PPP1R14C: variants seen among roughly 807,000 people sequenced by gnomAD.
PPP1R14C encodes protein phosphatase 1 regulatory inhibitor subunit 14C, also known as protein phosphatase 1 regulatory subunit 14C.
A neutral mutation model predicts 20.4 loss-of-function variants in PPP1R14C; 16 were observed. That is an observed-to-expected ratio of 0.78 (90% confidence interval 0.53 to 1.19). The LOEUF is 1.19. Ranked by LOEUF, PPP1R14C falls within the 50% of genes most tolerant of loss-of-function variation. The pLI is 0.00. For missense variants in PPP1R14C, 211 were observed against 220.1 expected (o/e 0.96, Z 0.26); for synonymous variants, 91 against 91.0 (o/e 1.00, Z 0.00).
At chr6:150,218,375 C>T (rs1481978130) in intron 3 of PPP1R14C, among the ~76,000 whole-genome samples, 2 of 151,588 alleles carry the variant, frequency 1.3e-5, no homozygotes, top group African/African-American at 4.9e-5. Flanking sequence ...TGCACTCCAG[C>T]CTGGGCGACA....
chr6:150,198,284 T>C (rs911542719), intron 1 of PPP1R14C, among the ~76,000 whole-genome samples: 2 of 147,028 alleles, frequency 1.4e-5, no homozygotes, highest in African/African-American at 5.1e-5. Flanking sequence ...TGCCCGGCTT[T>C]GTGTGCCCCT....
In PPP1R14C at chr6:150,249,819, A is replaced by C; in HGVS notation, c.*999A>C. On this transcript the variant is annotated 3_prime_UTR_variant, in exon 4 of 4. Transcript: ENST00000361131. ...GCCTGGGTAGTATCAGACCAGTGGG[A>C]GTAAACCGAGTGTTAAGTGTCAAGG... The C allele has an allele frequency of 3.0e-6, 1 of 330,288 alleles. No individual in the cohort carries two copies. Among genetic ancestry groups the C allele is most frequent in the Non-Finnish European group, 5.5e-6 (1 of 183,330 alleles). The allele number at this position is 330,288 out of a possible 1,614,324, so 20.5% of individuals were successfully genotyped here.
At chr6:150,244,329 A>C (rs2114934722) in intron 3 of PPP1R14C, among the ~76,000 whole-genome samples, 1 of 152,228 alleles carries the variant, frequency 6.6e-6, no homozygotes, top group East Asian at 1.9e-4. Context: ...TTAGGTGAGC[A>C]CCTCTTTCTG....
chr6:150,227,199 C>T (rs957345581), intron 3 of PPP1R14C, among the ~76,000 whole-genome samples: 1 of 152,160 alleles, frequency 6.6e-6, no homozygotes, highest in African/African-American at 2.4e-5. Flanking sequence ...TACAGGAAAA[C>T]CATGTGATGA....
At chr6:150,244,897 T>C (rs1778474144) in intron 3 of PPP1R14C, among the ~76,000 whole-genome samples, 1 of 152,176 alleles carries the variant, frequency 6.6e-6, no homozygotes, top group South Asian at 2.1e-4. Context: ...TTTGGTTTTG[T>C]ATGTAAGTTG....
At position 150,192,573 on chromosome 6, in the gene PPP1R14C, T is replaced by G. The variant is rs1488215213; in HGVS notation, c.307-22171T>G. 2.0e-5 allele frequency among the ~76,000 whole-genome samples: 3 copies of G among 152,186 alleles called. No homozygotes were observed. In the East Asian group the frequency reaches 5.8e-4, roughly 29 times the overall value. ...GCCATGGACCAGTACCACTGTGCTTTAAAGGAAATTCAGACTGGCAAATTA... is the reference window on the plus strand; with the variant it reads ...GCCATGGACCAGTACCACTGTGCTTGAAAGGAAATTCAGACTGGCAAATTA... On this transcript the variant is annotated intron_variant, in intron 1 of 3. Coordinates refer to ENST00000361131, the MANE Select transcript of PPP1R14C (RefSeq NM_030949.3).
chr6:150,227,609 C>T (rs1335382240), intron 3 of PPP1R14C, among the ~76,000 whole-genome samples: 1 of 152,092 alleles, frequency 6.6e-6, no homozygotes, highest in Admixed American at 6.5e-5. Context: ...ATCTGGCTGT[C>T]ATGGGGTTTC....
intron 1 of PPP1R14C, among the ~76,000 whole-genome samples, chr6:150,146,320 G>C (rs948556457): frequency 1.3e-5 from 2 of 152,142 alleles, no homozygotes; most frequent in African/African-American, 4.8e-5. Flanking sequence ...TACCCATGAG[G>C]CCTGTCTGTA....
At position 150,249,120 on chromosome 6, in the gene PPP1R14C, C is replaced by T. The variant is rs1011606922; in HGVS notation, c.*300C>T. 2 of 410,916 alleles carry T rather than the reference C, an allele frequency of 4.9e-6. No homozygotes were observed. Among genetic ancestry groups the T allele is most frequent in the Non-Finnish European group, 8.6e-6 (2 of 233,494 alleles). The allele number at this position is 410,916 out of a possible 1,614,324, so 25.5% of individuals were successfully genotyped here. On this transcript the variant is annotated 3_prime_UTR_variant, in exon 4 of 4. Coordinates refer to ENST00000361131, the MANE Select transcript of PPP1R14C (RefSeq NM_030949.3). ...CTCAAGGAAGGGCCACGCCAGGCTG[C>T]GTTTCCTGCAAGGACTCAGATGTTC...
rs67908012 is a variant in PPP1R14C, at chr6:150,156,024, C to CAA, written c.306+12553_306+12554dup. 8.4e-3 allele frequency among the ~76,000 whole-genome samples: 322 copies of CAA among 38,392 alleles called. 11 individuals are homozygous for CAA. Among genetic ancestry groups the CAA allele is most frequent in the African/African-American group, 0.018 (186 of 10,176 alleles). 25.2% of individuals were successfully genotyped at this position (38,392 alleles called of 152,430 possible). A position where few individuals can be genotyped will look rare whatever the true frequency, so the allele number is the denominator to read the frequency against. On this transcript the variant is annotated intron_variant, in intron 1 of 3. Transcript: ENST00000361131. ...TGGGTGACAGAGTGAGACTCTGTCT[C>CAA]AAAAAAAAAAAAAAAAAAAAAAAAA...
At chr6:150,233,632 G>GC (rs969466371) in intron 3 of PPP1R14C, among the ~76,000 whole-genome samples, 73 of 152,230 alleles carry the variant, frequency 4.8e-4, no homozygotes, top group African/African-American at 1.7e-3. Context: ...TGTAAGGAGC[G>GC]CCCCCCTCCC....
intron 1 of PPP1R14C, among the ~76,000 whole-genome samples, chr6:150,198,155 T>G (rs760215919): frequency 1.1e-3 from 72 of 67,372 alleles, no homozygotes; most frequent in African/African-American, 1.8e-3. Flanking sequence ...GCCCCTGCCC[T>G]TCACGGTGGA....
chr6:150,177,692 G>A (rs9371803), intron 1 of PPP1R14C, among the ~76,000 whole-genome samples: 44,410 of 151,982 alleles, frequency 0.29, 7,012 homozygotes, highest in South Asian at 0.42. Flanking sequence ...AAGTCCCACA[G>A]TCTTTTGTCC....
chr6:150,160,419 C>G (rs1222880540), intron 1 of PPP1R14C, among the ~76,000 whole-genome samples: 2 of 142,172 alleles, frequency 1.4e-5, no homozygotes, highest in African/African-American at 5.2e-5. Context: ...TGCCGACCAC[C>G]ACACCCAGCT....
At chr6:150,230,250 T>C (rs188317420) in intron 3 of PPP1R14C, among the ~76,000 whole-genome samples, 2 of 152,312 alleles carry the variant, frequency 1.3e-5, no homozygotes, top group East Asian at 3.9e-4. Context: ...CTTCACACTT[T>C]GCCTGCTTCC....
intron 1 of PPP1R14C, among the ~76,000 whole-genome samples, chr6:150,187,964 C>G (rs1777697062): frequency 6.6e-6 from 1 of 152,142 alleles, no homozygotes; most frequent in Non-Finnish European, 1.5e-5. Flanking sequence ...ATATGTTACA[C>G]CGAATAACCA....
At chr6:150,194,714 A>C (rs9397729) in intron 1 of PPP1R14C, 1 of 985,260 alleles carries the variant, frequency 1.0e-6, no homozygotes, top group Middle Eastern at 5.2e-4. Context: ...TTGCTTGTTC[A>C]GCTATAAAAC....
At position 150,186,032 on chromosome 6, in the gene PPP1R14C, G is replaced by A. The variant is rs148848495; in HGVS notation, c.307-28712G>A. ...CAGCAAAGCCCAGCCCTACCCTGTC[G>A]CTGGAAGGAGGCCACCAGAATATTC... On this transcript the variant is annotated intron_variant, in intron 1 of 3. Coordinates refer to ENST00000361131, the MANE Select transcript of PPP1R14C (RefSeq NM_030949.3). Among the ~76,000 whole-genome samples the A allele has an allele frequency of 2.8e-3, 419 of 152,274 alleles. 3 individuals are homozygous for A. Among genetic ancestry groups the A allele is most frequent in the African/African-American group, 9.6e-3 (397 of 41,550 alleles).
chr6:150,184,057 C>A (rs1777650882), intron 1 of PPP1R14C, among the ~76,000 whole-genome samples: 1 of 152,182 alleles, frequency 6.6e-6, no homozygotes. Flanking sequence ...ACCCCGTGAG[C>A]TAATCAGGCA....
Sources: allele counts gnomAD v4.1 joint callset (sites outside exome capture counted in the v4.1 genomes callset), GRCh38; gene constraint gnomAD v4.1.1; transcripts MANE v1.5; gene names NCBI Gene and HGNC (gene_info 2026-07-23, HGNC 2026-07-21).